STAT4: variants seen among roughly 807,000 people sequenced by gnomAD.
STAT4 encodes the protein signal transducer and activator of transcription 4.
A neutral mutation model predicts 110.5 loss-of-function variants in STAT4; 42 were observed. The observed-to-expected ratio is 0.38, with a 90% CI of 0.30 to 0.49. STAT4 has a LOEUF of 0.49. Among genes scored for constraint, STAT4 ranks in the 20% least tolerant of loss-of-function variants. STAT4 has a pLI of 0.95. For synonymous variants in STAT4, 284 were observed against 302.2 expected, an observed-to-expected ratio of 0.94 and a Z score of 0.63; for missense variants, 632 against 887.9, an observed-to-expected ratio of 0.71 and a Z score of 3.66.
At position 191,128,753 on chromosome 2, in the gene STAT4, C is replaced by T. The variant is rs150582713; in HGVS notation, c.273+17860G>A. Among the ~76,000 whole-genome samples the T allele has an allele frequency of 3.3e-5, 5 of 152,282 alleles. No homozygotes were observed. In the South Asian group the frequency reaches 1.0e-3, roughly 32 times the overall value. On this transcript the variant is annotated intron_variant, in intron 3 of 23. Coordinates refer to ENST00000392320, the MANE Select transcript of STAT4 (RefSeq NM_003151.4). ...CTCTCACTAATAGTCATTACCCTGG[C>T]TTGTGAAAAATACTGTATAGGCAGT...
intron 3 of STAT4, among the ~76,000 whole-genome samples, chr2:191,121,327 G>T (rs531963731): frequency 1.2e-3 from 180 of 152,270 alleles, no homozygotes; most frequent in African/African-American, 4.1e-3. Context: ...GTTGGTGGGA[G>T]TGTAAACTAG....
At position 191,059,631 on chromosome 2, in the gene STAT4, A is replaced by G. The variant is rs1478701547; in HGVS notation, c.1035-862T>C. 1.3e-5 allele frequency among the ~76,000 whole-genome samples: 2 copies of G among 152,258 alleles called. No individual in the cohort carries two copies. Among genetic ancestry groups the G allele is most frequent in the Non-Finnish European group, 2.9e-5 (2 of 68,046 alleles). ...GGGAGAAACGTGGACGTGGCTCTAC[A>G]TAAAAGGAGGGAGTCCAGGCACACA... On this transcript the variant is annotated intron_variant, in intron 10 of 23. Coordinates refer to ENST00000392320, the MANE Select transcript of STAT4 (RefSeq NM_003151.4). This position sits in a 1 kb window ranked among gnomAD's most constrained non-coding sequence, Gnocchi z 4.7.
rs927095369 is a variant in STAT4, at chr2:191,090,741, T to C, written c.274-14416A>G. On this transcript the variant is annotated intron_variant, in intron 3 of 23. Coordinates refer to ENST00000392320, the MANE Select transcript of STAT4 (RefSeq NM_003151.4). This position sits in a 1 kb window ranked among gnomAD's most constrained non-coding sequence, Gnocchi z 4.2. ...ATGCCCGGCTAATTTTTTGTATTTT[T>C]AGTAGAGACAGGGTTTCACCGTGTT... 6.6e-5 allele frequency among the ~76,000 whole-genome samples: 10 copies of C among 152,046 alleles called. No homozygotes were observed. The East Asian group carries it at 1.5e-3, about 23-fold the overall frequency.
chr2:191,093,004 G>A (rs951298349), intron 3 of STAT4, among the ~76,000 whole-genome samples: 11 of 152,242 alleles, frequency 7.2e-5, no homozygotes, highest in African/African-American at 2.7e-4. Flanking sequence ...AGGAGCATCT[G>A]CCATTGCTGA....
chr2:191,143,033 C>A lies in STAT4; in HGVS notation c.273+3580G>T, dbSNP rs964405235. Among the ~76,000 whole-genome samples the A allele has an allele frequency of 1.3e-5, 2 of 151,974 alleles. No individual in the cohort carries two copies. The highest frequency in any genetic ancestry group is 4.8e-5 in the African/African-American group (2 of 41,370). On this transcript the variant is annotated intron_variant, in intron 3 of 23. Transcript: ENST00000392320. This position sits in a 1 kb window ranked among gnomAD's most constrained non-coding sequence, Gnocchi z 5.6. Reference sequence around the variant, plus strand: ...GTCAACTGTCACAAATGTATGCTACCAATGCAAGACATGAATAATAGGTGA... The same window carrying A: ...GTCAACTGTCACAAATGTATGCTACAAATGCAAGACATGAATAATAGGTGA...
intron 3 of STAT4, among the ~76,000 whole-genome samples, chr2:191,125,837 A>G (rs1365991188): frequency 1.3e-5 from 2 of 152,078 alleles, no homozygotes; most frequent in South Asian, 2.1e-4. Context: ...AAGTTGAGCA[A>G]ATCTTTTGTC....
At chr2:191,072,646 A>C (rs140671791) in intron 5 of STAT4, among the ~76,000 whole-genome samples, 1 of 152,326 alleles carries the variant, frequency 6.6e-6, no homozygotes, top group East Asian at 1.9e-4. Context: ...CTTATTTAAG[A>C]CATCTTCACT....
intron 1 of STAT4, among the ~76,000 whole-genome samples, chr2:191,148,580 G>A (rs1427436086): frequency 6.6e-6 from 1 of 152,086 alleles, no homozygotes; most frequent in Non-Finnish European, 1.5e-5. Context: ...GAAGGCAAAC[G>A]TATTTGACAT....
intron 4 of STAT4, among the ~76,000 whole-genome samples, chr2:191,073,570 G>A (rs1574130512): frequency 6.6e-6 from 1 of 152,074 alleles, no homozygotes; most frequent in Non-Finnish European, 1.5e-5. Flanking sequence ...TGTGCCTGTA[G>A]TCCCAGCTAC....
At chr2:191,092,263 GC>G (rs964877913) in intron 3 of STAT4, among the ~76,000 whole-genome samples, 93 of 152,090 alleles carry the variant, frequency 6.1e-4, no homozygotes, top group African/African-American at 1.9e-3. Context: ...AATTAGCCAG[GC>G]ATGGTGGCAT....
rs1379724011 is a variant in STAT4 at position 191,140,444 on chromosome 2, T to A, written c.273+6169A>T. ...TCAAAAAGCGGGCAAAGGACTTGAA[T>A]ACACAATTCTCAAAAGAAGATATAC... On this transcript the variant is annotated intron_variant, in intron 3 of 23. Transcript: ENST00000392320. The surrounding 1 kb of genome is among the most constrained non-coding windows in gnomAD (Gnocchi z 4.4). 6.6e-6 allele frequency among the ~76,000 whole-genome samples: 1 copy of A among 152,136 alleles called. No homozygotes were observed. Among genetic ancestry groups the A allele is most frequent in the East Asian group, 1.9e-4 (1 of 5,200 alleles).
chr2:191,048,659 G>A (rs1044925389), intron 14 of STAT4, among the ~76,000 whole-genome samples: 3 of 151,304 alleles, frequency 2.0e-5, no homozygotes, highest in East Asian at 1.9e-4. Flanking sequence ...GGTGGCGGGC[G>A]CTTGTAGTCC....
chr2:191,041,779 G>A (rs1461563412), intron 14 of STAT4: 1 of 152,316 alleles, frequency 6.6e-6, no homozygotes, highest in African/African-American at 2.4e-5. Flanking sequence ...CAGAAAAGAA[G>A]ACTGCAGACC....
In STAT4 at chr2:191,146,725, G is replaced by T; in HGVS notation, c.161C>A (p.Thr54Lys). 6.4e-7 allele frequency: 1 copy of T among 1,567,618 alleles called. No individual in the cohort carries two copies. The highest frequency in any genetic ancestry group is 1.2e-5 in the South Asian group (1 of 81,758). Residue 54 changes from threonine (T) to lysine (K), a missense_variant, in exon 3 of 24, where the codon ACG becomes AAG. Physicochemically the swap from Thr to Lys is moderately conservative, Grantham distance 78 (BLOSUM62 -1). Transcript: ENST00000392320. This position sits in a 1 kb window ranked among gnomAD's most constrained non-coding sequence, Gnocchi z 4.5. ...EAASNNETMA[T>K]ILLQNLLIQL... The stretch of plus-strand genomic sequence containing the variant: ...TATTAACAAGTTTTGAAGAAGAATC[G>T]TTGCCATGGTTTCATTGTTAGAAGC...
chr2:191,085,767 G>C (rs1447412859), intron 3 of STAT4, among the ~76,000 whole-genome samples: 1 of 152,182 alleles, frequency 6.6e-6, no homozygotes, highest in African/African-American at 2.4e-5. Context: ...CTCTCAGGGA[G>C]AGCTGATGTG....
chr2:191,139,086 C>T (rs1045770597), intron 3 of STAT4, among the ~76,000 whole-genome samples: 1 of 151,424 alleles, frequency 6.6e-6, no homozygotes, highest in Non-Finnish European at 1.5e-5. Context: ...ACAAAATAGG[C>T]ATAAAACGAA....
intron 3 of STAT4, among the ~76,000 whole-genome samples, chr2:191,129,639 T>G (rs982355848): frequency 4.6e-5 from 7 of 152,178 alleles, no homozygotes; most frequent in African/African-American, 1.7e-4. Context: ...TCTCCTTACT[T>G]CTTTCTTGAC....
At chr2:191,114,479 A>G (rs1698520063) in intron 3 of STAT4, among the ~76,000 whole-genome samples, 1 of 152,210 alleles carries the variant, frequency 6.6e-6, no homozygotes. Flanking sequence ...GCATTTCAGT[A>G]TCGTTTTTCT....
rs765390659 is a variant in STAT4 at position 191,058,701 on chromosome 2, A to C, written c.1094+9T>G. On this transcript the variant is annotated intron_variant, in intron 11 of 23. Coordinates refer to ENST00000392320, the MANE Select transcript of STAT4 (RefSeq NM_003151.4). The surrounding 1 kb of genome is among the most constrained non-coding windows in gnomAD (Gnocchi z 4.3). Reference sequence around the variant, plus strand: ...GAATTGTAATTCAAAACGAAATTAGAAAACTTACTTGTCAATTGATGCCTT... The same window carrying C: ...GAATTGTAATTCAAAACGAAATTAGCAAACTTACTTGTCAATTGATGCCTT... The C allele has an allele frequency of 1.9e-6, 3 of 1,558,706 alleles. No homozygotes were observed. The highest frequency in any genetic ancestry group is 8.7e-7 in the Non-Finnish European group (1 of 1,146,690).
Sources: gnomAD v4.1 joint callset for allele counts (sites outside exome capture counted in the v4.1 genomes callset) on GRCh38, gnomAD v4.1.1 for gene constraint, Gnocchi (gnomAD v3.1) non-coding constraint, MANE v1.5 for transcripts, NCBI Gene and HGNC (gene_info 2026-07-23, HGNC 2026-07-21) for gene names.